Variants in OXR1 observed in about 807,000 individuals in gnomAD.
The protein encoded by OXR1 is oxidation resistance protein 1.
In OXR1, 41 loss-of-function variants were observed where a neutral mutation model predicts 104.6. The observed-to-expected ratio is 0.39, with a 90% CI of 0.31 to 0.51. The LOEUF (loss-of-function observed/expected upper bound fraction) is 0.51, where lower values mean the gene tolerates loss of function less well. Among genes scored for constraint, OXR1 ranks in the 20% least tolerant of loss-of-function variants. The pLI, the probability that OXR1 is intolerant of heterozygous loss-of-function variation, is 0.77. For synonymous variants in OXR1, 348 were observed against 348.4 expected (o/e 1.00, Z 0.01); for missense variants, 955 against 1,031.9 (o/e 0.93, Z 1.02).
chr8:106,567,059 AC>A, intron 3 of OXR1, among the ~76,000 whole-genome samples: 2 of 152,310 alleles, frequency 1.3e-5, no homozygotes, highest in East Asian at 3.9e-4. Context: ...CCGCTTGTAT[AC>A]CTATGTAAAA....
At chr8:106,275,570 G>A (rs1410584608) in intron 1 of OXR1, among the ~76,000 whole-genome samples, 1 of 152,146 alleles carries the variant, frequency 6.6e-6, no homozygotes, top group Non-Finnish European at 1.5e-5. Context: ...GTTATTTTGG[G>A]TACTAGGGAA....
At chr8:106,682,408 A>G (rs1480112944) in intron 4 of OXR1, 1 of 150,420 alleles carries the variant, frequency 6.6e-6, no homozygotes, top group Non-Finnish European at 1.5e-5. Flanking sequence ...AGCTGGGACT[A>G]CAGGCGCCGC....
intron 2 of OXR1, among the ~76,000 whole-genome samples, chr8:106,370,207 G>A (rs1816645096): frequency 6.6e-6 from 1 of 152,028 alleles, no homozygotes; most frequent in Admixed American, 6.6e-5. Flanking sequence ...CTTGCTTATT[G>A]TTGGTGTAAA....
At chr8:106,274,444 C>G (rs1424001798) in intron 1 of OXR1, among the ~76,000 whole-genome samples, 1 of 152,126 alleles carries the variant, frequency 6.6e-6, no homozygotes, top group East Asian at 1.9e-4. Context: ...TGGTTTGTTT[C>G]AGAATTCATT....
chr8:106,346,644 T>C (rs557844347), intron 1 of OXR1, among the ~76,000 whole-genome samples: 1 of 152,252 alleles, frequency 6.6e-6, no homozygotes, highest in African/African-American at 2.4e-5. Flanking sequence ...CCCTAATTCA[T>C]TTTGCCAGTG....
chr8:106,563,063 C>A (rs1466690843), intron 3 of OXR1, among the ~76,000 whole-genome samples: 1 of 152,104 alleles, frequency 6.6e-6, no homozygotes, highest in Non-Finnish European at 1.5e-5. Flanking sequence ...ACTGCAGCAA[C>A]TAATGGGCAA....
chr8:106,682,844 C>T (rs1828313000), intron 4 of OXR1, among the ~76,000 whole-genome samples: 1 of 151,774 alleles, frequency 6.6e-6, no homozygotes, highest in African/African-American at 2.4e-5. Context: ...TAGTATGTTG[C>T]TAGAAGTCAC....
chr8:106,561,384 C>A (rs1262982481), intron 3 of OXR1, among the ~76,000 whole-genome samples: 3 of 152,150 alleles, frequency 2.0e-5, no homozygotes, highest in African/African-American at 4.8e-5. Flanking sequence ...GCAGACCCCA[C>A]CACGGTGCTG....
chr8:106,374,799 T>G (rs1816845268), intron 2 of OXR1, among the ~76,000 whole-genome samples: 2 of 152,202 alleles, frequency 1.3e-5, no homozygotes, highest in South Asian at 4.1e-4. Flanking sequence ...ATTTCAGCTA[T>G]GAGCTCATAG....
At chr8:106,473,168 T>C (rs1338141282) in intron 2 of OXR1, among the ~76,000 whole-genome samples, 2 of 151,864 alleles carry the variant, frequency 1.3e-5, no homozygotes, top group African/African-American at 4.8e-5. Flanking sequence ...TCATGTTGGA[T>C]AAAATGACCA....
At chr8:106,281,677 G>A (rs1812288959) in intron 1 of OXR1, among the ~76,000 whole-genome samples, 1 of 151,960 alleles carries the variant, frequency 6.6e-6, no homozygotes, top group South Asian at 2.1e-4. Flanking sequence ...GCGCACGCCT[G>A]TAGTCCCAGC....
chr8:106,339,538 AT>A (rs1815146281), intron 1 of OXR1, among the ~76,000 whole-genome samples: 3 of 118,204 alleles, frequency 2.5e-5, no homozygotes, highest in African/African-American at 7.3e-5. Context: ...ATATATATAT[AT>A]ATATATATAT....
At chr8:106,728,862 A>G (rs898596501) in intron 11 of OXR1, among the ~76,000 whole-genome samples, 3 of 152,196 alleles carry the variant, frequency 2.0e-5, no homozygotes, top group African/African-American at 7.2e-5. Flanking sequence ...TGCCTTTATC[A>G]GTAGTCACTA....
intron 3 of OXR1, among the ~76,000 whole-genome samples, chr8:106,566,000 A>C (rs1375057667): frequency 4.6e-5 from 7 of 152,230 alleles, no homozygotes; most frequent in Non-Finnish European, 8.8e-5. Flanking sequence ...TTTAAATGTC[A>C]GACTCAAAAC....
At chr8:106,338,519 C>T (rs1175756266) in intron 1 of OXR1, among the ~76,000 whole-genome samples, 2 of 149,298 alleles carry the variant, frequency 1.3e-5, no homozygotes, top group Non-Finnish European at 3.0e-5. Context: ...GCCAAGATCA[C>T]ACCACTGCAC....
chr8:106,380,474 G>A lies in OXR1; in HGVS notation c.23+20838G>A, dbSNP rs773800874. On this transcript the variant is annotated intron_variant, in intron 2 of 16. Transcript: ENST00000517566. ...ATGGACATTGTTTTCATTTCTCTTG[G>A]GTATATACTTAGAAATAGAATGATT... Among the ~76,000 whole-genome samples the A allele has an allele frequency of 1.1e-3, 170 of 151,954 alleles. 1 individual carries two copies. The highest frequency in any genetic ancestry group is 1.3e-3 in the Non-Finnish European group (86 of 67,990).
At chr8:106,731,208 A>C (rs981145076) in intron 11 of OXR1, among the ~76,000 whole-genome samples, 15 of 152,120 alleles carry the variant, frequency 9.9e-5, no homozygotes, top group African/African-American at 3.4e-4. Flanking sequence ...CCATATTTTA[A>C]TCAGGTTGTT....
chr8:106,552,762 T>C (rs568576433), intron 3 of OXR1, among the ~76,000 whole-genome samples: 1 of 152,328 alleles, frequency 6.6e-6, no homozygotes, highest in African/African-American at 2.4e-5. Context: ...TATCCTTAGA[T>C]TTTCAGATAT....
At chr8:106,383,097 T>C (rs563485954) in intron 2 of OXR1, among the ~76,000 whole-genome samples, 1 of 152,232 alleles carries the variant, frequency 6.6e-6, no homozygotes, top group South Asian at 2.1e-4. Flanking sequence ...GGAGAGCACA[T>C]TCATTTCATT....
Sources: allele counts gnomAD v4.1 joint callset (sites outside exome capture counted in the v4.1 genomes callset), GRCh38; gene constraint gnomAD v4.1.1; transcripts MANE v1.5; gene names NCBI Gene and HGNC (gene_info 2026-07-23, HGNC 2026-07-21).